AMPD3: variants seen among roughly 807,000 people sequenced by gnomAD.
The protein encoded by AMPD3 is AMP deaminase 3.
AMPD3 carries 57 observed loss-of-function variants against 82.3 expected under a neutral mutation model. The ratio of observed to expected loss-of-function variants is 0.69; its 90% CI spans 0.56 to 0.86. The LOEUF is 0.86. Ranked by LOEUF, AMPD3 falls within the 40% of genes least tolerant of loss-of-function variation. The pLI is 0.00. For synonymous variants in AMPD3, 381 were observed against 394.7 expected (o/e 0.97, Z 0.41); for missense variants, 870 against 1,003.8 (o/e 0.87, Z 1.80).
At chr11:10,450,642 G>A (rs1847936452), upstream of AMPD3, 2 of 1,005,046 alleles carry the variant, frequency 2.0e-6, no homozygotes, top group African/African-American at 1.7e-5. Context: ...GGAGGCGGCG[G>A]GTGCTTCCGG....
intron 5 of AMPD3, among the ~76,000 whole-genome samples, chr11:10,486,358 C>T (rs1849069757): frequency 6.6e-6 from 1 of 152,132 alleles, no homozygotes. Flanking sequence ...TTTTGGGGGC[C>T]TGAGGAAGCA....
chr11:10,490,469 G>T, intron 6 of AMPD3: 1 of 985,266 alleles, frequency 1.0e-6, no homozygotes, highest in African/African-American at 1.7e-5. Flanking sequence ...GTCAATGTTG[G>T]CTTAGGTCCC....
intron 2 of AMPD3, among the ~76,000 whole-genome samples, chr11:10,469,907 G>A (rs1006013688): frequency 1.4e-5 from 2 of 146,662 alleles, no homozygotes; most frequent in African/African-American, 5.4e-5. Flanking sequence ...GGGCGTAGTG[G>A]CGGGCGCCTG....
Position 10,482,446 on chromosome 11 carries a change from G to A in AMPD3, c.589+221G>A, listed in dbSNP as rs143764523. On this transcript the variant is annotated intron_variant, in intron 4 of 14. Coordinates refer to ENST00000396553, the MANE Select transcript of AMPD3 (RefSeq NM_001025389.2). ...GAGCTGAACTGTTGAAGTCAAGACA[G>A]AGATGTGAAAGACAGTCCTTGTTCT... Among the ~76,000 whole-genome samples, 352 of 152,364 alleles carry A rather than the reference G, an allele frequency of 2.3e-3. 1 individual carries two copies. Among genetic ancestry groups the A allele is most frequent in the Non-Finnish European group, 3.6e-3 (245 of 68,038 alleles).
At chr11:10,488,185 T>A (rs1849134098) in intron 6 of AMPD3, 1 of 985,374 alleles carries the variant, frequency 1.0e-6, no homozygotes. Context: ...GGGCCGCAAC[T>A]GCGGTAGGAG....
chr11:10,458,197 T>G (rs890628316), intron 1 of AMPD3, among the ~76,000 whole-genome samples: 2 of 145,012 alleles, frequency 1.4e-5, no homozygotes, highest in African/African-American at 5.2e-5. Context: ...TAGCCTCAAG[T>G]GATCCTTCCT....
Position 10,502,864 on chromosome 11 carries a change from C to T in AMPD3, c.1986C>T (p.Thr662=), listed in dbSNP as rs750031333. 7 of 1,614,060 alleles carry T rather than the reference C, an allele frequency of 4.3e-6. No individual in the cohort carries two copies. Among genetic ancestry groups the T allele is most frequent in the East Asian group, 4.5e-5 (2 of 44,894 alleles). The change falls in exon 13 of 15, where the codon ACC becomes ACT. Residue 662 remains threonine (T), a synonymous_variant. Transcript: ENST00000396553. ...AGGGACTGCATGTTTCTCTTTCCAC[C>T]GATGACCCCATGCAGTTCCACTACA... ...LHKGLHVSLS[T]DDPMQFHYTK...
intron 1 of AMPD3, among the ~76,000 whole-genome samples, chr11:10,459,197 C>T (rs1848187862): frequency 6.6e-6 from 1 of 152,172 alleles, no homozygotes; most frequent in African/African-American, 2.4e-5. Flanking sequence ...CACCAGCTCC[C>T]TCCCACTCCT....
intron 9 of AMPD3, 102 bp downstream of exon 9, chr11:10,495,835 G>T: frequency 6.8e-7 from 1 of 1,461,414 alleles, no homozygotes. Flanking sequence ...GGCCTGTTCT[G>T]GTGCCAGCTT....
At chr11:10,495,155 G>A in intron 8 of AMPD3, 125 bp downstream of exon 8, 1 of 1,600,548 alleles carries the variant, frequency 6.2e-7, no homozygotes, top group Non-Finnish European at 8.5e-7. Flanking sequence ...CTCAGGGAAG[G>A]GTGAGGTGCC....
At chr11:10,478,164 T>C (rs1471412793) in intron 2 of AMPD3, 6 of 985,398 alleles carry the variant, frequency 6.1e-6, no homozygotes, top group Non-Finnish European at 7.2e-6. Flanking sequence ...GGGGAAAGCC[T>C]GCATGATTTG....
chr11:10,495,952 T>C (rs1265452325), intron 9 of AMPD3, among the ~76,000 whole-genome samples: 1 of 149,558 alleles, frequency 6.7e-6, no homozygotes, highest in Non-Finnish European at 1.5e-5. Flanking sequence ...AGTCTCACTC[T>C]GTCACCCAGG....
chr11:10,486,731 G>T (rs1207439464), intron 5 of AMPD3: 6 of 985,278 alleles, frequency 6.1e-6, no homozygotes, highest in Non-Finnish European at 6.0e-6. Context: ...CTTATAGTTT[G>T]ACTGTGTTAT....
At chr11:10,465,705 G>A (rs1198888874) in intron 2 of AMPD3, among the ~76,000 whole-genome samples, 2 of 152,158 alleles carry the variant, frequency 1.3e-5, no homozygotes. Flanking sequence ...TTTTCCCATG[G>A]TCCTTGCAAC....
intron 8 of AMPD3, 143 bp from the exon 9 acceptor site, chr11:10,495,427 G>A: frequency 3.3e-6 from 5 of 1,533,292 alleles, no homozygotes; most frequent in Non-Finnish European, 4.4e-6. Context: ...ACAGGAGCAG[G>A]CAGCCCTGGG....
chr11:10,462,731 A>G (rs1376359817), intron 2 of AMPD3, among the ~76,000 whole-genome samples: 1 of 152,132 alleles, frequency 6.6e-6, no homozygotes, highest in Non-Finnish European at 1.5e-5. Context: ...AGGGGAGAGA[A>G]AGGCCGGGAA....
chr11:10,484,681 G>A, intron 4 of AMPD3, 139 bp from the exon 5 acceptor site: 3 of 1,229,440 alleles, frequency 2.4e-6, no homozygotes, highest in Non-Finnish European at 3.5e-6. Context: ...AAAGGAAGCA[G>A]GGAAGAGCAT....
rs374820227 is a variant in AMPD3 at position 10,495,111 on chromosome 11, C to T, written c.1266+81C>T. 1.5e-5 allele frequency: 24 copies of T among 1,611,926 alleles called. No individual in the cohort carries two copies. The East Asian group carries it at 1.6e-4, about 10-fold the overall frequency. ...TCAGAGAGTGGGGGCCCTGTGTGCC[C>T]CTGGCCCCTTCCCCTCCCTCTGTGT... On this transcript the variant is annotated intron_variant, in intron 8 of 14. Transcript: ENST00000396553.
intron 10 of AMPD3, 139 bp downstream of exon 10, chr11:10,497,077 C>T: frequency 8.8e-7 from 1 of 1,134,386 alleles, no homozygotes; most frequent in Non-Finnish European, 1.3e-6. Context: ...CGTGGGGTCA[C>T]CAGCCCCAAG....
Sources: allele counts gnomAD v4.1 joint callset (sites outside exome capture counted in the v4.1 genomes callset), GRCh38; gene constraint gnomAD v4.1.1; transcripts MANE v1.5; gene names NCBI Gene and HGNC (gene_info 2026-07-23, HGNC 2026-07-21).